FLT4: variants seen among roughly 807,000 people sequenced by gnomAD.
The protein encoded by FLT4 is fms related receptor tyrosine kinase 4.
In FLT4, 30 loss-of-function variants were observed where a neutral mutation model predicts 163.2. The observed-to-expected ratio is 0.18, with a 90% CI of 0.14 to 0.25. The LOEUF is 0.25. Among genes scored for constraint, FLT4 ranks in the 10% least tolerant of loss-of-function variants. FLT4 has a pLI of 1.00. For synonymous variants in FLT4, 884 were observed against 789.5 expected (o/e 1.12, Z -2.01); for missense variants, 1,510 against 1,863.8 (o/e 0.81, Z 3.50).
chr5:180,631,302 T>A (rs1764120334), intron 2 of FLT4, among the ~76,000 whole-genome samples: 1 of 151,750 alleles, frequency 6.6e-6, no homozygotes, highest in Non-Finnish European at 1.5e-5. Flanking sequence ...TGAAACCCCG[T>A]CTCTACTACA....
chr5:180,631,608 G>C, intron 2 of FLT4, 74 bp downstream of exon 2: 4 of 1,222,154 alleles, frequency 3.3e-6, no homozygotes, highest in South Asian at 1.2e-5. Context: ...CTGCCATCTG[G>C]GCCCACAGCC....
At chr5:180,642,044 TA>T (rs139977455) in intron 1 of FLT4, among the ~76,000 whole-genome samples, 19 of 152,084 alleles carry the variant, frequency 1.2e-4, no homozygotes, top group Non-Finnish European at 2.5e-4. Flanking sequence ...CCATCTCTAC[TA>T]AAAATACAAA....
Position 180,610,018 on chromosome 5 carries a change from T to C in FLT4, c.3694A>G (p.Asn1232Asp). The C allele has an allele frequency of 1.2e-6, 2 of 1,614,074 alleles. No homozygotes were observed. Among genetic ancestry groups the C allele is most frequent in the Non-Finnish European group, 1.7e-6 (2 of 1,179,978 alleles). ...QRHSLAARYY[N>D]WVSFPGCLAR... ...AGGCACCCGGGAAAGGACACCCAGTTGTAATACCTGTGGGGAGAAATCAGA... is the reference window on the plus strand; with the variant it reads ...AGGCACCCGGGAAAGGACACCCAGTCGTAATACCTGTGGGGAGAAATCAGA... The change falls in exon 28 of 30, where the codon AAC (asparagine) becomes GAC (aspartate). Residue 1232 changes from asparagine (N) to aspartate (D), a missense_variant. This residue lies in a region of FLT4 where 295 missense variants were observed against 311.0 expected (regional missense o/e 0.95). Transcript: ENST00000261937.
At chr5:180,619,421 C>T (rs138367415) in intron 18 of FLT4, 55 bp from the exon 19 acceptor site, 4 of 1,063,546 alleles carry the variant, frequency 3.8e-6, no homozygotes, top group Non-Finnish European at 1.3e-6. Flanking sequence ...CCCCGTTCCC[C>T]GCCACCCGGC....
intron 8 of FLT4, among the ~76,000 whole-genome samples, chr5:180,627,613 G>A (rs1364428912): frequency 1.8e-4 from 27 of 152,200 alleles, no homozygotes; most frequent in Admixed American, 1.8e-3. Context: ...AGGAAGGGTG[G>A]GCACCACAGG....
At chr5:180,607,573 G>A (rs1324469432) in intron 29 of FLT4, among the ~76,000 whole-genome samples, 5 of 151,558 alleles carry the variant, frequency 3.3e-5, no homozygotes, top group African/African-American at 1.2e-4. Flanking sequence ...CCCAGGAGGC[G>A]GAGGTTGCAG....
At chr5:180,616,296 C>G (rs1474808212) in intron 23 of FLT4, 71 bp downstream of exon 23, 3 of 1,603,148 alleles carry the variant, frequency 1.9e-6, no homozygotes, top group African/African-American at 2.7e-5. Flanking sequence ...CTCTCCTGGA[C>G]AGGCAGTCTG....
upstream of FLT4, among the ~76,000 whole-genome samples, chr5:180,650,169 CAAAAAAA>C (rs397719371): frequency 6.2e-4 from 51 of 82,286 alleles, no homozygotes; most frequent in East Asian, 1.4e-3. Flanking sequence ...GTCTGGGAGC[CAAAAAAA>C]AAAAAAAAAA....
intron 29 of FLT4, among the ~76,000 whole-genome samples, chr5:180,606,423 A>T (rs1761785183): frequency 6.6e-6 from 1 of 151,514 alleles, no homozygotes; most frequent in Non-Finnish European, 1.5e-5. Context: ...ACCTCGTCAC[A>T]CTCTCCTCTC....
At chr5:180,618,575 A>G (rs1762855202) in intron 21 of FLT4, among the ~76,000 whole-genome samples, 195 bp downstream of exon 21, 1 of 152,214 alleles carries the variant, frequency 6.6e-6, no homozygotes, top group African/African-American at 2.4e-5. Flanking sequence ...TTTCCTATTC[A>G]GCCTCTGATG....
chr5:180,606,909 A>C lies in FLT4; in HGVS notation c.3893+2059T>G, dbSNP rs567139703. Among the ~76,000 whole-genome samples, 682 of 139,822 alleles carry C rather than the reference A, an allele frequency of 4.9e-3. 22 individuals carry two copies. In the East Asian group the frequency reaches 0.069, roughly 14 times the overall value. The allele number at this position is 139,822 out of a possible 152,430, so 91.7% of individuals were successfully genotyped here. ...CGTCTCTACTAAAAAAAAAAAAAAA[A>C]AAAAAACAAACAAACAAACTTAGCT... On this transcript the variant is annotated intron_variant, in intron 29 of 29. Coordinates refer to ENST00000261937, the MANE Select transcript of FLT4 (RefSeq NM_182925.5).
rs1045619446 is a variant in FLT4 at position 180,601,653 on chromosome 5, G to A, written c.*1539C>T. On this transcript the variant is annotated 3_prime_UTR_variant, in exon 30 of 30. Transcript: ENST00000261937. Reference sequence around the variant, plus strand: ...GGGTAGTGAGGAGAAGGGAGCAGAGGTGCGCGCCAGGAGCCAGGCTGGTTC... The same window carrying A: ...GGGTAGTGAGGAGAAGGGAGCAGAGATGCGCGCCAGGAGCCAGGCTGGTTC... 8.1e-5 allele frequency: 19 copies of A among 233,194 alleles called. 1 individual carries two copies. Among genetic ancestry groups the A allele is most frequent in the Non-Finnish European group, 1.6e-4 (19 of 118,112 alleles). 14.4% of individuals were successfully genotyped at this position (233,194 alleles called of 1,614,324 possible).
chr5:180,628,401 G>A (rs1490741173), intron 8 of FLT4, among the ~76,000 whole-genome samples: 4 of 152,222 alleles, frequency 2.6e-5, no homozygotes, highest in Non-Finnish European at 5.9e-5. Flanking sequence ...TCGGCCTCCT[G>A]GAAGCTCTCT....
intron 29 of FLT4, chr5:180,607,962 G>C: frequency 1.6e-6 from 1 of 622,630 alleles, no homozygotes; most frequent in South Asian, 1.9e-5. Context: ...GAAGGCACCT[G>C]TTACTCAGCA....
intron 1 of FLT4, among the ~76,000 whole-genome samples, chr5:180,642,132 G>GA (rs1304968598): frequency 6.6e-6 from 1 of 151,594 alleles, no homozygotes; most frequent in Non-Finnish European, 1.5e-5. Context: ...GCGTGAACCT[G>GA]AGAGGCAGAG....
intron 1 of FLT4, among the ~76,000 whole-genome samples, chr5:180,632,533 CCGGGCTGGG>C (rs1764261533): frequency 6.6e-6 from 1 of 152,150 alleles, no homozygotes; most frequent in South Asian, 2.1e-4. Context: ...TGTAGGCTGG[CCGGGCTGGG>C]CCTTCTGTCC....
chr5:180,644,338 T>C (rs1293451973), intron 1 of FLT4, among the ~76,000 whole-genome samples: 1 of 152,126 alleles, frequency 6.6e-6, no homozygotes, highest in South Asian at 2.1e-4. Context: ...ACGCCGGGCG[T>C]GTGGTGGACC....
chr5:180,638,411 G>A (rs889214549), intron 1 of FLT4, among the ~76,000 whole-genome samples: 2 of 152,156 alleles, frequency 1.3e-5, no homozygotes, highest in African/African-American at 4.8e-5. Context: ...CTTAGGGCCC[G>A]CCCCTGCTCT....
chr5:180,628,784 C>T, intron 8 of FLT4, 98 bp downstream of exon 8: 1 of 849,390 alleles, frequency 1.2e-6, no homozygotes, highest in Non-Finnish European at 1.9e-6. Context: ...GTGTGCAGGT[C>T]CTGACGGGGA....
Sources: gnomAD v4.1 joint callset for allele counts (sites outside exome capture counted in the v4.1 genomes callset) on GRCh38, gnomAD v4.1.1 for gene constraint, gnomAD v4.1.1 regional missense constraint, MANE v1.5 for transcripts, NCBI Gene and HGNC (gene_info 2026-07-23, HGNC 2026-07-21) for gene names.